The following DHX16 variants were observed in gnomAD, a reference collection of about 807,000 sequenced individuals.
DHX16 encodes the protein pre-mRNA-splicing factor ATP-dependent RNA helicase DHX16.
Under a neutral mutation model 131.2 loss-of-function variants are expected in DHX16, and 81 were observed. That is an observed-to-expected ratio of 0.62 (90% confidence interval 0.52 to 0.74). DHX16 has a LOEUF of 0.74. DHX16 is among the 30% of genes least tolerant of loss of function. DHX16 has a pLI of 0.00. For missense variants in DHX16, 980 were observed against 1,363.1 expected (o/e 0.72, Z 4.43); for synonymous variants, 440 against 520.2 (o/e 0.85, Z 2.10).
At position 30,654,092 on chromosome 6, in the gene DHX16, G is replaced by T. The variant is rs182174985; in HGVS notation, c.2997+614C>A. ...AGATGGTGCCACTGCACTCCAGCCT[G>T]GGCTACAACAGCACGGAACTCTCAA... On this transcript the variant is annotated intron_variant, in intron 19 of 19. Coordinates refer to ENST00000376442, the MANE Select transcript of DHX16 (RefSeq NM_003587.5). 3.8e-4 allele frequency among the ~76,000 whole-genome samples: 55 copies of T among 145,732 alleles called. No individual in the cohort carries two copies. In the East Asian group the frequency reaches 0.011, roughly 28 times the overall value.
intron 1 of DHX16, 145 bp from the exon 2 acceptor site, chr6:30,671,419 C>T: frequency 1.3e-6 from 1 of 765,104 alleles, no homozygotes; most frequent in Non-Finnish European, 2.2e-6. Flanking sequence ...GTGATCTCGG[C>T]TCACTTCAAC....
At chr6:30,661,845 C>T (rs1219042962) in intron 9 of DHX16, 1 of 718,054 alleles carries the variant, frequency 1.4e-6, no homozygotes, top group Admixed American at 2.0e-5. Context: ...CTTGCGCTGG[C>T]TGGCTCTCCA....
Position 30,656,244 on chromosome 6 carries a change from G to A in DHX16, c.2452C>T (p.Leu818=). 6.2e-7 allele frequency: 1 copy of A among 1,613,594 alleles called. No homozygotes were observed. Among genetic ancestry groups the A allele is most frequent in the Non-Finnish European group, 8.5e-7 (1 of 1,180,004 alleles). ...LTTSGRKMAE[L]PVDPMLSKMI... is the part of the protein sequence containing the mutation. ...TTGGACAGCATGGGGTCCACCGGCA[G>A]CTCTGCCATCTTTCGACCAGACTAA... Residue 818 remains leucine (L), a synonymous_variant, in exon 16 of 20, where the codon CTG becomes TTG. Coordinates refer to ENST00000376442, the MANE Select transcript of DHX16 (RefSeq NM_003587.5). This position sits in a 1 kb window ranked among gnomAD's most constrained non-coding sequence, Gnocchi z 5.1.
chr6:30,670,449 C>CT lies in DHX16; in HGVS notation c.626dup (p.Lys210GlufsTer16), dbSNP rs1769426575. The CT allele has an allele frequency of 1.2e-6, 2 of 1,611,460 alleles. No homozygotes were observed. Among genetic ancestry groups the CT allele is most frequent in the South Asian group, 2.2e-5 (2 of 90,658 alleles). ...CTTCCTCGGCCATCTTGAGGCGCTT[C>CT]TGAGCCTCTTCATAAGCCTAGAAGA... On this transcript the variant is annotated frameshift_variant, in exon 4 of 20. Coordinates refer to ENST00000376442, the MANE Select transcript of DHX16 (RefSeq NM_003587.5). LOFTEE classifies it high-confidence loss of function. The surrounding 1 kb of genome is among the most constrained non-coding windows in gnomAD (Gnocchi z 4.4).
At chr6:30,660,324 G>C (rs1768390689) in intron 9 of DHX16, 82 bp from the exon 10 acceptor site, 1 of 1,167,452 alleles carries the variant, frequency 8.6e-7, no homozygotes. Context: ...GATGAGAGGG[G>C]AGTAATGGAC....
chr6:30,653,832 GAAC>G (rs1415657234), intron 19 of DHX16, among the ~76,000 whole-genome samples: 1 of 152,190 alleles, frequency 6.6e-6, no homozygotes, highest in Non-Finnish European at 1.5e-5. Context: ...GAAAAGTCTA[GAAC>G]AACATGCCAG....
intron 9 of DHX16, chr6:30,660,456 G>C: frequency 2.3e-6 from 1 of 436,146 alleles, no homozygotes; most frequent in Non-Finnish European, 4.0e-6. Flanking sequence ...ACCTATCCCA[G>C]CCTCAGCAGA....
At chr6:30,664,730 A>G in intron 7 of DHX16, 71 bp downstream of exon 7, 3 of 1,375,504 alleles carry the variant, frequency 2.2e-6, no homozygotes, top group South Asian at 1.3e-5. Flanking sequence ...TATAATGTAA[A>G]AGGAGCTCTG....
rs149882569 is a variant in DHX16 at position 30,665,609 on chromosome 6, C to T, written c.791G>A (p.Arg264Gln). 51 of 1,612,956 alleles carry T rather than the reference C, an allele frequency of 3.2e-5. No homozygotes were observed. The Admixed American group carries it at 4.3e-4, about 14-fold the overall frequency. The change falls in exon 5 of 20, where the codon CGG becomes CAG. Residue 264 changes from arginine (R) to glutamine (Q), a missense_variant. Arg to Gln is a conservative substitution (Grantham distance 43). Transcript: ENST00000376442. This position sits in a 1 kb window ranked among gnomAD's most constrained non-coding sequence, Gnocchi z 4.8. ...EFLFGDVELS[R>Q]HERQELKYKR... ...ATATTTGAGCTCCTGCCGCTCGTGCCGGCTCAGCTCCACGTCCCCAAAAAG... is the reference window on the plus strand; with the variant it reads ...ATATTTGAGCTCCTGCCGCTCGTGCTGGCTCAGCTCCACGTCCCCAAAAAG...
rs183951964 is a variant in DHX16, at chr6:30,655,242, T to C, written c.2756A>G (p.Glu919Gly). 6.2e-7 allele frequency: 1 copy of C among 1,614,188 alleles called. No individual in the cohort carries two copies. The highest frequency in any genetic ancestry group is 1.7e-5 in the Admixed American group (1 of 60,012). Reference sequence around the variant, plus strand: ...AACTTCCACACGTTCCAAGAGCCCTTCCAGCTGTTCCCGCACATCCCGGGC... The same window carrying C: ...AACTTCCACACGTTCCAAGAGCCCTCCCAGCTGTTCCCGCACATCCCGGGC... ...RRARDVREQL[E>G]GLLERVEVGL... The change falls in exon 18 of 20, where the codon GAA becomes GGA. Residue 919 changes from glutamate to glycine, a missense_variant. By Grantham distance (98) the Glu-to-Gly change is moderately conservative. Transcript: ENST00000376442.
In DHX16 at chr6:30,659,502, GA is replaced by G. The variant is rs755721504; in HGVS notation, c.1976del (p.Ile659ThrfsTer112). The G allele has an allele frequency of 4.4e-6, 7 of 1,602,868 alleles. No individual in the cohort carries two copies. The highest frequency in any genetic ancestry group is 6.0e-6 in the Non-Finnish European group (7 of 1,175,212). On this transcript the variant is annotated frameshift_variant, in exon 12 of 20. Transcript: ENST00000376442. LOFTEE classifies it high-confidence loss of function. ...ANLPSDMQAR[I>X]FQPTPPGARK... ...GTGCCCCAGGTGGTGTGGGCTGGAAGATACGGGCCTGCATGTCAGAGGGCAG... is the reference window on the plus strand; with the variant it reads ...GTGCCCCAGGTGGTGTGGGCTGGAAGTACGGGCCTGCATGTCAGAGGGCAG...
At position 30,660,432 on chromosome 6, in the gene DHX16, C is replaced by G; in HGVS notation, c.1545-190G>C. On this transcript the variant is annotated intron_variant, in intron 9 of 19. Coordinates refer to ENST00000376442, the MANE Select transcript of DHX16 (RefSeq NM_003587.5). ...AACAGAAAGTCAGAGAAGGCCAGGG[C>G]CCCATGATCTGCAACCTATCCCAGC... The G allele has an allele frequency of 1.1e-5, 5 of 463,660 alleles. No individual in the cohort carries two copies. The South Asian group carries it at 2.8e-4, about 26-fold the overall frequency. 28.7% of individuals were successfully genotyped at this position (463,660 alleles called of 1,614,324 possible).
intron 9 of DHX16, among the ~76,000 whole-genome samples, chr6:30,661,285 G>A (rs1232091493): frequency 2.0e-5 from 3 of 152,244 alleles, no homozygotes; most frequent in East Asian, 3.9e-4. Flanking sequence ...GGGTTTCACC[G>A]TGTTAGCCAG....
chr6:30,656,325 C>T lies in DHX16; in HGVS notation c.2431-60G>A, dbSNP rs746654202. 38 of 1,610,128 alleles carry T rather than the reference C, an allele frequency of 2.4e-5. No individual in the cohort carries two copies. The highest frequency in any genetic ancestry group is 3.2e-5 in the Non-Finnish European group (38 of 1,176,586). ...TCCCTCAGGTTTCCCGCTACTACTA[C>T]AGGGGTCCCTGGAGCCATCCTGACC... On this transcript the variant is annotated intron_variant, in intron 15 of 19. Transcript: ENST00000376442. This position sits in a 1 kb window ranked among gnomAD's most constrained non-coding sequence, Gnocchi z 5.1.
intron 7 of DHX16, 129 bp from the exon 8 acceptor site, chr6:30,663,150 C>A: frequency 1.3e-6 from 1 of 762,738 alleles, no homozygotes; most frequent in Non-Finnish European, 2.1e-6. Flanking sequence ...ATGCTGAAAA[C>A]CAGAAAAGAA....
chr6:30,671,869 AC>A (rs1284066975), intron 1 of DHX16, among the ~76,000 whole-genome samples: 1 of 148,066 alleles, frequency 6.8e-6, no homozygotes, highest in Non-Finnish European at 1.5e-5. Flanking sequence ...TTTTTGTAGG[AC>A]GAAGGTTTCG....
Position 30,664,817 on chromosome 6 carries a change from T to C in DHX16, c.1301A>G (p.Gln434Arg). ...TGSGKTTQIPQYLFEEGYTNK... is the reference protein window; with the variant it reads ...TGSGKTTQIPRYLFEEGYTNK... ...TGACTGTACCTCCTCAAAGAGATAC[T>C]GCGGGATCTGGGTGGTCTTCCCTGA... is the stretch of plus-strand genomic sequence containing the variant. Residue 434 changes from glutamine (Q) to arginine (R), a missense_variant, in exon 7 of 20, where the codon CAG (glutamine) becomes CGG (arginine). By Grantham distance (43) the Gln-to-Arg change is conservative (BLOSUM62 1). Transcript: ENST00000376442. 4 of 1,612,858 alleles carry C rather than the reference T, an allele frequency of 2.5e-6. No homozygotes were observed. Among genetic ancestry groups the C allele is most frequent in the Non-Finnish European group, 3.4e-6 (4 of 1,179,870 alleles).
At chr6:30,666,228 G>A (rs117626418) in intron 4 of DHX16, among the ~76,000 whole-genome samples, 1,620 of 152,282 alleles carry the variant, frequency 0.011, 11 homozygotes, top group East Asian at 0.019. Context: ...TGTAGTTTGA[G>A]GAAGGGAGAA....
Position 30,665,365 on chromosome 6 carries a change from A to G in DHX16, c.922-91T>C. 1 of 1,585,164 alleles carries G rather than the reference A, an allele frequency of 6.3e-7. No individual in the cohort carries two copies. The highest frequency in any genetic ancestry group is 8.6e-7 in the Non-Finnish European group (1 of 1,166,356). ...CCATTACTACCCCCGCCCACTGCCC[A>G]TTGGGAACGGCAAGGCAAGAAAGGG... On this transcript the variant is annotated intron_variant, in intron 5 of 19. Transcript: ENST00000376442. This position sits in a 1 kb window ranked among gnomAD's most constrained non-coding sequence, Gnocchi z 4.8.
Sources: gnomAD v4.1 joint callset for allele counts (sites outside exome capture counted in the v4.1 genomes callset) on GRCh38, gnomAD v4.1.1 for gene constraint, Gnocchi (gnomAD v3.1) non-coding constraint, MANE v1.5 for transcripts, NCBI Gene and HGNC (gene_info 2026-07-23, HGNC 2026-07-21) for gene names.